The following PDE1C variants were observed in gnomAD, a reference collection of about 807,000 sequenced individuals.
PDE1C encodes phosphodiesterase 1C, also known as dual specificity calcium/calmodulin-dependent 3',5'-cyclic nucleotide phosphodiesterase 1C.
Under a neutral mutation model 93.1 loss-of-function variants are expected in PDE1C, and 62 were observed. The observed-to-expected ratio is 0.67, with a 90% CI of 0.54 to 0.82. The LOEUF is 0.82. PDE1C is among the 40% of genes least tolerant of loss of function. The pLI is 0.00. For missense variants in PDE1C, 742 were observed against 884.6 expected, an observed-to-expected ratio of 0.84 and a Z score of 2.04; for synonymous variants, 325 against 310.1, an observed-to-expected ratio of 1.05 and a Z score of -0.50.
intron 2 of PDE1C, among the ~76,000 whole-genome samples, chr7:32,193,389 G>A (rs1399337845): frequency 6.6e-6 from 1 of 152,062 alleles, no homozygotes. Context: ...ATATTTTTGT[G>A]CATCAATTGA....
intron 3 of PDE1C, among the ~76,000 whole-genome samples, chr7:32,109,313 T>A (rs1237728577): frequency 6.6e-6 from 1 of 152,146 alleles, no homozygotes; most frequent in East Asian, 1.9e-4. Context: ...CACAGAGAGA[T>A]GGATTTATAT....
intron 1 of PDE1C, among the ~76,000 whole-genome samples, chr7:32,268,489 C>T (rs4370439): frequency 0.72 from 109,748 of 152,104 alleles, 39,975 homozygotes; most frequent in Admixed American, 0.79. Context: ...TCTGTACTTA[C>T]TTATTTCTAC....
At chr7:31,896,091 T>C (rs1007498497) in intron 2 of PDE1C, among the ~76,000 whole-genome samples, 1 of 151,858 alleles carries the variant, frequency 6.6e-6, no homozygotes, top group Non-Finnish European at 1.5e-5. Context: ...AGGTCATACA[T>C]AGGAAGTAAA....
chr7:32,179,263 G>GT (rs1177052428), intron 2 of PDE1C, among the ~76,000 whole-genome samples: 2 of 114,144 alleles, frequency 1.8e-5, no homozygotes, highest in African/African-American at 3.2e-5. Flanking sequence ...TCCTGACTTA[G>GT]TCTTTTTTTT....
chr7:31,647,832 T>C, the PDE1C span, among the ~76,000 whole-genome samples: 1 of 152,108 alleles, frequency 6.6e-6, no homozygotes, highest in Non-Finnish European at 1.5e-5. Context: ...AATATAGCAA[T>C]ATATAACACT....
intron 1 of PDE1C, among the ~76,000 whole-genome samples, chr7:32,377,080 T>C (rs1461571464): frequency 6.6e-6 from 1 of 152,086 alleles, no homozygotes; most frequent in Non-Finnish European, 1.5e-5. Context: ...TTCTCTGCTG[T>C]AGCCATTCCC....
intron 2 of PDE1C, among the ~76,000 whole-genome samples, chr7:31,951,711 A>G (rs1376722809): frequency 1.3e-5 from 2 of 152,212 alleles, no homozygotes; most frequent in Non-Finnish European, 2.9e-5. Flanking sequence ...ACTTAACATA[A>G]CACTGATCCC....
intron 1 of PDE1C, among the ~76,000 whole-genome samples, chr7:32,213,163 G>A (rs1806175445): frequency 6.6e-6 from 1 of 152,204 alleles, no homozygotes; most frequent in Non-Finnish European, 1.5e-5. Context: ...AGCCCCAGGT[G>A]TGTTTTGTTT....
the PDE1C span, among the ~76,000 whole-genome samples, chr7:31,740,791 A>T: frequency 3.9e-5 from 6 of 152,180 alleles, no homozygotes; most frequent in African/African-American, 1.2e-4. Flanking sequence ...TTTTCAGGCC[A>T]GGCACGGTGG....
At chr7:31,915,540 T>C (rs991012426) in intron 2 of PDE1C, among the ~76,000 whole-genome samples, 1 of 152,204 alleles carries the variant, frequency 6.6e-6, no homozygotes, top group Non-Finnish European at 1.5e-5. Flanking sequence ...GATATATGCA[T>C]GTACTTTGTA....
At chr7:31,659,914 C>A in the PDE1C span, among the ~76,000 whole-genome samples, 1 of 152,056 alleles carries the variant, frequency 6.6e-6, no homozygotes, top group Non-Finnish European at 1.5e-5. Flanking sequence ...AATTGTAGTT[C>A]CCATAATCCC....
chr7:31,718,954 A>C, the PDE1C span, among the ~76,000 whole-genome samples: 6 of 152,188 alleles, frequency 3.9e-5, no homozygotes, highest in African/African-American at 1.4e-4. Context: ...AATACCAAGC[A>C]GACCCTCAGT....
chr7:31,844,307 A>T (rs1441878010), intron 9 of PDE1C, among the ~76,000 whole-genome samples: 1 of 151,794 alleles, frequency 6.6e-6, no homozygotes, highest in Non-Finnish European at 1.5e-5. Context: ...AAAGCTCTAA[A>T]GAAATTTCTT....
chr7:31,855,792 GAAA>G (rs763753026), intron 7 of PDE1C, among the ~76,000 whole-genome samples: 22 of 116,826 alleles, frequency 1.9e-4, no homozygotes, highest in African/African-American at 5.8e-4. Flanking sequence ...CTCCTTTCTG[GAAA>G]AAAAAAAAAA....
chr7:31,618,108 C>T, the PDE1C span, among the ~76,000 whole-genome samples: 1 of 152,142 alleles, frequency 6.6e-6, no homozygotes, highest in Non-Finnish European at 1.5e-5. Flanking sequence ...CCTTAAAGCC[C>T]TCTTGGTGCC....
the PDE1C span, among the ~76,000 whole-genome samples, chr7:31,624,382 C>A: frequency 1.4e-5 from 2 of 145,674 alleles, no homozygotes; most frequent in East Asian, 2.0e-4. Flanking sequence ...TACTACAAGG[C>A]TACAGTAACC....
intron 1 of PDE1C, among the ~76,000 whole-genome samples, chr7:32,406,259 T>C (rs1288795465): frequency 6.6e-6 from 1 of 152,126 alleles, no homozygotes; most frequent in Non-Finnish European, 1.5e-5. Flanking sequence ...CCCAACCCTG[T>C]GCCAGGCACT....
intron 3 of PDE1C, among the ~76,000 whole-genome samples, chr7:32,150,123 G>T (rs1178969670): frequency 1.3e-5 from 2 of 152,170 alleles, no homozygotes; most frequent in African/African-American, 4.8e-5. Context: ...CTGACTCCCA[G>T]CACCGGATTC....
intron 2 of PDE1C, among the ~76,000 whole-genome samples, chr7:31,911,123 G>A (rs1053467672): frequency 2.0e-5 from 3 of 152,078 alleles, no homozygotes; most frequent in African/African-American, 7.2e-5. Flanking sequence ...AAAATTATTA[G>A]TGTTTTAACA....
Sources: allele counts gnomAD v4.1 joint callset (sites outside exome capture counted in the v4.1 genomes callset), GRCh38; gene constraint gnomAD v4.1.1; transcripts MANE v1.5; gene names NCBI Gene and HGNC (gene_info 2026-07-23, HGNC 2026-07-21).